Variants in SPTLC2 observed in about 807,000 individuals in gnomAD.
SPTLC2 encodes the protein serine palmitoyltransferase long chain base subunit 2, also known as serine palmitoyltransferase 2.
SPTLC2 carries 21 observed loss-of-function variants against 62.0 expected under a neutral mutation model. The ratio of observed to expected loss-of-function variants is 0.34; its 90% confidence interval spans 0.24 to 0.49. The LOEUF is 0.49. SPTLC2 is among the 20% of genes least tolerant of loss of function. The pLI, the probability that SPTLC2 is intolerant of heterozygous loss-of-function variation, is 0.99. For missense variants in SPTLC2, 511 were observed against 713.0 expected (o/e 0.72, Z 3.23); for synonymous variants, 261 against 261.8 (o/e 1.00, Z 0.03).
chr14:77,547,113 C>T (rs1288985598), intron 9 of SPTLC2, among the ~76,000 whole-genome samples: 2 of 152,162 alleles, frequency 1.3e-5, no homozygotes, highest in African/African-American at 2.4e-5. Flanking sequence ...GATCCGCCTG[C>T]CTCGGCCTCC....
At position 77,557,034 on chromosome 14, in the gene SPTLC2, G is replaced by C. The variant is rs1393226184; in HGVS notation, c.956+7C>G. 1 of 1,610,018 alleles carries C rather than the reference G, an allele frequency of 6.2e-7. No individual in the cohort carries two copies. Reference sequence around the variant, plus strand: ...TCACAAAGGTAAGAATAATAAAGCAGGATTACCTATATATTCCTTCCACAA... The same window carrying C: ...TCACAAAGGTAAGAATAATAAAGCACGATTACCTATATATTCCTTCCACAA... On this transcript the variant is annotated splice_region_variant and intron_variant, in intron 7 of 11. Coordinates refer to ENST00000216484, the MANE Select transcript of SPTLC2 (RefSeq NM_004863.4).
intron 5 of SPTLC2, 46 bp downstream of exon 5, chr14:77,570,338 A>G (rs914906391): frequency 1.3e-5 from 21 of 1,607,620 alleles, no homozygotes; most frequent in Non-Finnish European, 1.7e-5. Context: ...TCAAAACAAA[A>G]GAAGATATAC....
chr14:77,587,706 G>A (rs985641713), intron 2 of SPTLC2, among the ~76,000 whole-genome samples: 3 of 151,280 alleles, frequency 2.0e-5, no homozygotes, highest in Non-Finnish European at 2.9e-5. Context: ...GCAGTGAACC[G>A]AGATCGCACC....
At chr14:77,571,381 G>A (rs1271637587) in intron 4 of SPTLC2, among the ~76,000 whole-genome samples, 1 of 151,950 alleles carries the variant, frequency 6.6e-6, no homozygotes, top group Non-Finnish European at 1.5e-5. Context: ...ATGGTGGCGT[G>A]TGCCTGTAAT....
At chr14:77,538,860 T>C (rs192979117) in intron 9 of SPTLC2, among the ~76,000 whole-genome samples, 195 of 152,112 alleles carry the variant, frequency 1.3e-3, no homozygotes, top group African/African-American at 4.4e-3. Context: ...CATGAGCCAC[T>C]ATCCCCAGCC....
At chr14:77,514,847 G>A (rs1357227350) in intron 11 of SPTLC2, among the ~76,000 whole-genome samples, 2 of 152,126 alleles carry the variant, frequency 1.3e-5, no homozygotes, top group Non-Finnish European at 2.9e-5. Flanking sequence ...TCTATTTTCT[G>A]ACCCTATGAT....
intron 2 of SPTLC2, among the ~76,000 whole-genome samples, chr14:77,579,576 C>CT (rs1489885286): frequency 6.6e-6 from 1 of 152,108 alleles, no homozygotes; most frequent in Non-Finnish European, 1.5e-5. Flanking sequence ...TAGCGAGACT[C>CT]TGTCTCAACA....
At chr14:77,549,998 T>C (rs931564245) in intron 9 of SPTLC2, among the ~76,000 whole-genome samples, 2 of 152,186 alleles carry the variant, frequency 1.3e-5, no homozygotes, top group African/African-American at 4.8e-5. Context: ...CCTAGAGAAA[T>C]GCTAGCTGTA....
intron 9 of SPTLC2, among the ~76,000 whole-genome samples, chr14:77,542,442 C>T (rs868306499): frequency 3.3e-5 from 5 of 152,232 alleles, no homozygotes; most frequent in South Asian, 4.1e-4. Context: ...AAGGCATTTT[C>T]GTGCCCCAGA....
intron 6 of SPTLC2, among the ~76,000 whole-genome samples, chr14:77,559,535 G>A (rs1279018130): frequency 6.6e-6 from 1 of 152,036 alleles, no homozygotes; most frequent in Non-Finnish European, 1.5e-5. Flanking sequence ...CAGTAAGTGT[G>A]GCAACAAAAA....
chr14:77,565,241 T>C (rs1186869172), intron 5 of SPTLC2, among the ~76,000 whole-genome samples: 3 of 14,812 alleles, frequency 2.0e-4, no homozygotes, highest in Non-Finnish European at 3.3e-4. Flanking sequence ...AAACTCCATC[T>C]CAAAAAAAAA....
At chr14:77,522,544 C>T (rs529336039) in intron 9 of SPTLC2, among the ~76,000 whole-genome samples, 17 of 152,316 alleles carry the variant, frequency 1.1e-4, no homozygotes, top group African/African-American at 3.8e-4. Context: ...TTTTGCTCAT[C>T]TTCCCTAAAA....
At chr14:77,541,099 G>T (rs973265325) in intron 9 of SPTLC2, among the ~76,000 whole-genome samples, 2 of 152,062 alleles carry the variant, frequency 1.3e-5, no homozygotes, top group African/African-American at 4.8e-5. Context: ...TGTGATCTCA[G>T]CTCACTGCAA....
intron 9 of SPTLC2, among the ~76,000 whole-genome samples, chr14:77,548,894 A>G (rs192282767): frequency 6.6e-6 from 1 of 152,372 alleles, no homozygotes; most frequent in East Asian, 1.9e-4. Flanking sequence ...TCACACAAAA[A>G]GATGAAAACA....
intron 1 of SPTLC2, among the ~76,000 whole-genome samples, chr14:77,616,127 G>A (rs1424591736): frequency 2.0e-5 from 3 of 152,212 alleles, no homozygotes; most frequent in African/African-American, 7.2e-5. Context: ...ACTGGAGTCC[G>A]AAGGGCCCCT....
chr14:77,512,081 G>T lies in SPTLC2; in HGVS notation c.*203C>A. On this transcript the variant is annotated 3_prime_UTR_variant, in exon 12 of 12. Coordinates refer to ENST00000216484, the MANE Select transcript of SPTLC2 (RefSeq NM_004863.4). Reference sequence around the variant, plus strand: ...AAGTGAGTCACCTTCGTTTTTAAAGGTGAGATTTAGCAAAGGAAGGATTAG... The same window carrying T: ...AAGTGAGTCACCTTCGTTTTTAAAGTTGAGATTTAGCAAAGGAAGGATTAG... The T allele has an allele frequency of 1.5e-6, 1 of 658,440 alleles. No homozygotes were observed. The highest frequency in any genetic ancestry group is 2.6e-6 in the Non-Finnish European group (1 of 391,444). The allele number at this position is 658,440 out of a possible 1,614,324, so 40.8% of individuals were successfully genotyped here.
chr14:77,613,460 T>C (rs1021793830), intron 1 of SPTLC2, among the ~76,000 whole-genome samples: 2 of 152,264 alleles, frequency 1.3e-5, no homozygotes, highest in African/African-American at 4.8e-5. Context: ...GAAAACTGTG[T>C]GTCTACTGTC....
intron 11 of SPTLC2, among the ~76,000 whole-genome samples, chr14:77,513,917 A>C (rs963557018): frequency 8.0e-6 from 1 of 125,330 alleles, no homozygotes; most frequent in African/African-American, 2.8e-5. Context: ...AAAAAAAGTC[A>C]AGGCTGAACA....
At chr14:77,604,887 G>C (rs1043773160) in intron 1 of SPTLC2, among the ~76,000 whole-genome samples, 8 of 144,556 alleles carry the variant, frequency 5.5e-5, no homozygotes, top group Middle Eastern at 3.6e-3. Context: ...AAAAAAAAAA[G>C]GTAAAATGAC....
Sources: allele counts gnomAD v4.1 joint callset (sites outside exome capture counted in the v4.1 genomes callset), GRCh38; gene constraint gnomAD v4.1.1; transcripts MANE v1.5; gene names NCBI Gene and HGNC (gene_info 2026-07-23, HGNC 2026-07-21).